Variants in CLUH observed in about 807,000 individuals in gnomAD.
CLUH encodes the protein clustered mitochondria protein homolog.
Under a neutral mutation model 139.3 loss-of-function variants are expected in CLUH, and 77 were observed. The observed-to-expected ratio is 0.55, with a 90% CI of 0.46 to 0.67. CLUH has a LOEUF of 0.67. Ranked by LOEUF, CLUH falls within the 30% of genes least tolerant of loss-of-function variation. The pLI is 0.00. For missense variants in CLUH, 1,876 were observed against 1,875.8 expected (o/e 1.00, Z 0.00); for synonymous variants, 999 against 801.6 (o/e 1.25, Z -4.16).
At position 2,706,834 on chromosome 17, in the gene CLUH, T is replaced by C. The variant is rs1040731217; in HGVS notation, c.101-2270A>G. On this transcript the variant is annotated intron_variant, in intron 1 of 25. Transcript: ENST00000651024. The surrounding 1 kb of genome is among the most constrained non-coding windows in gnomAD (Gnocchi z 4.6). ...AATATAGAACAGCAGTTTTGAGCTA[T>C]GAGATCCCAAAAGTGGGGAGTCAAA... 1.3e-5 allele frequency among the ~76,000 whole-genome samples: 2 copies of C among 152,102 alleles called. No individual in the cohort carries two copies. The highest frequency in any genetic ancestry group is 2.4e-5 in the African/African-American group (1 of 41,400).
At chr17:2,710,302 T>G (rs540087681) in intron 1 of CLUH, among the ~76,000 whole-genome samples, 1 of 152,206 alleles carries the variant, frequency 6.6e-6, no homozygotes, top group Non-Finnish European at 1.5e-5. Flanking sequence ...GCGATGAGCA[T>G]CTGCTCTTCT....
intron 12 of CLUH, 73 bp from the exon 13 acceptor site, chr17:2,696,332 G>C: frequency 4.0e-6 from 6 of 1,501,460 alleles, no homozygotes; most frequent in Non-Finnish European, 5.4e-6. Context: ...GGCGGGGGAA[G>C]CGCTCAGATG....
At position 2,695,207 on chromosome 17, in the gene CLUH, AC is replaced by A. The variant is rs2069888761; in HGVS notation, c.2607+10del. 3 of 1,613,814 alleles carry A rather than the reference AC, an allele frequency of 1.9e-6. No homozygotes were observed. The highest frequency in any genetic ancestry group is 1.3e-5 in the African/African-American group (1 of 75,028). ...GAGGCCATGGCCAGCCGCAGAGCGGACGGGTGGCACCTGTAAGTACGTCTTG... is the reference window on the plus strand; with the variant it reads ...GAGGCCATGGCCAGCCGCAGAGCGGAGGGTGGCACCTGTAAGTACGTCTTG... On this transcript the variant is annotated intron_variant, in intron 15 of 25. Transcript: ENST00000651024.
At position 2,698,431 on chromosome 17, in the gene CLUH, C is replaced by A. The variant is rs756266614; in HGVS notation, c.1426G>T (p.Asp476Tyr). 6.2e-7 allele frequency: 1 copy of A among 1,613,386 alleles called. No homozygotes were observed. The highest frequency in any genetic ancestry group is 8.5e-7 in the Non-Finnish European group (1 of 1,179,840). ...TAGGCCGCCACGTCCCCCCCGAAGTCCTTGTAGTGGTCTCGGACGTCGAAG... is the reference window on the plus strand; with the variant it reads ...TAGGCCGCCACGTCCCCCCCGAAGTACTTGTAGTGGTCTCGGACGTCGAAG... ...LGFDVRDHYKDFGGDVAAYVA... is the reference protein window; with the variant it reads ...LGFDVRDHYKYFGGDVAAYVA... The change falls in exon 10 of 26, where the codon GAC (aspartate) becomes TAC (tyrosine). Residue 476 changes from aspartate to tyrosine, a missense_variant. Physicochemically the swap from Asp to Tyr is radical, Grantham distance 160. Transcript: ENST00000651024.
At position 2,690,700 on chromosome 17, in the gene CLUH, CTA is replaced by C; in HGVS notation, c.3939_3940del (p.Asp1313GlufsTer101). The C allele has an allele frequency of 1.3e-6, 2 of 1,563,828 alleles. No homozygotes were observed. Among genetic ancestry groups the C allele is most frequent in the Non-Finnish European group, 1.7e-6 (2 of 1,161,708 alleles). On this transcript the variant is annotated frameshift_variant, in exon 26 of 26. Coordinates refer to ENST00000651024, the MANE Select transcript of CLUH (RefSeq NM_001366661.1). LOFTEE classifies it high-confidence loss of function. ...CTCGGTAGCCATGGGCTCCTCGGCT[CTA>C]TCCCTGTTTCTGCTGGCCTCCTGGA...
In CLUH at chr17:2,701,756, G is replaced by A; in HGVS notation, c.620-19C>T. 6.4e-7 allele frequency: 1 copy of A among 1,556,660 alleles called. No individual in the cohort carries two copies. The highest frequency in any genetic ancestry group is 8.7e-7 in the Non-Finnish European group (1 of 1,151,840). On this transcript the variant is annotated intron_variant, in intron 4 of 25. Transcript: ENST00000651024. Reference sequence around the variant, plus strand: ...CCGCTGTCTGAGGGACCCGAGGCTGGTGGTCAGCACAGGGCCACCCAGGGC... The same window carrying A: ...CCGCTGTCTGAGGGACCCGAGGCTGATGGTCAGCACAGGGCCACCCAGGGC...
chr17:2,697,620 C>T (rs2070006348), intron 10 of CLUH, among the ~76,000 whole-genome samples: 1 of 152,198 alleles, frequency 6.6e-6, no homozygotes, highest in Non-Finnish European at 1.5e-5. Context: ...CGGGGACAGT[C>T]ACAGCCACCC....
rs745486555 is a variant in CLUH at position 2,690,697 on chromosome 17, G to A, written c.3944C>T (p.Ala1315Val). Residue 1315 changes from alanine to valine, a missense_variant, in exon 26 of 26, where the codon GCC (alanine) becomes GTC (valine). This residue lies in a region of CLUH where 1,454 missense variants were observed against 1,384.4 expected (regional missense o/e 1.05). Coordinates refer to ENST00000651024, the MANE Select transcript of CLUH (RefSeq NM_001366661.1). Reference protein sequence around the residue: ...LQEASRNRDRAEEPMATEPAP... With the variant: ...LQEASRNRDRVEEPMATEPAP... ...GGGCTCGGTAGCCATGGGCTCCTCGGCTCTATCCCTGTTTCTGCTGGCCTC... is the reference window on the plus strand; with the variant it reads ...GGGCTCGGTAGCCATGGGCTCCTCGACTCTATCCCTGTTTCTGCTGGCCTC... 3.2e-6 allele frequency: 5 copies of A among 1,563,910 alleles called. No individual in the cohort carries two copies. The South Asian group carries it at 4.7e-5, about 15-fold the overall frequency.
chr17:2,694,592 GCCCAAGCACCGCCGGGCCCC>G lies in CLUH; in HGVS notation c.2853-48_2853-29del, dbSNP rs779197064. ...GAGGAGGGAGCAGGGGGCCTGAGCAGCCCAAGCACCGCCGGGCCCCCCCAACACCGCCCCACCCAGCTCCC... is the reference window on the plus strand; with the variant it reads ...GAGGAGGGAGCAGGGGGCCTGAGCAGCCCAACACCGCCCCACCCAGCTCCC... On this transcript the variant is annotated intron_variant, in intron 16 of 25. Coordinates refer to ENST00000651024, the MANE Select transcript of CLUH (RefSeq NM_001366661.1). 12 of 1,546,230 alleles carry G rather than the reference GCCCAAGCACCGCCGGGCCCC, an allele frequency of 7.8e-6. No homozygotes were observed. The Admixed American group carries it at 2.3e-4, about 30-fold the overall frequency.
chr17:2,708,143 G>C (rs1315576462), intron 1 of CLUH, among the ~76,000 whole-genome samples: 1 of 152,154 alleles, frequency 6.6e-6, no homozygotes, highest in African/African-American at 2.4e-5. Context: ...GCCCAGTAAG[G>C]GCTGCCCCAG....
rs767287703 is a variant in CLUH at position 2,690,561 on chromosome 17, G to A, written c.*33C>T. On this transcript the variant is annotated 3_prime_UTR_variant, in exon 26 of 26. Coordinates refer to ENST00000651024, the MANE Select transcript of CLUH (RefSeq NM_001366661.1). ...CCGCAGTCGGGCTCCCTGGTGACGG[G>A]GCCGCTGGCTGGCTGTCCGTCTGGC... is the stretch of plus-strand genomic sequence containing the variant. 19 of 1,420,192 alleles carry A rather than the reference G, an allele frequency of 1.3e-5. No homozygotes were observed. The highest frequency in any genetic ancestry group is 1.8e-5 in the Non-Finnish European group (19 of 1,083,224). 88.0% of individuals were successfully genotyped at this position (1,420,192 alleles called of 1,614,324 possible). A position where few individuals can be genotyped will look rare whatever the true frequency, so the allele number is the denominator to read the frequency against.
intron 1 of CLUH, among the ~76,000 whole-genome samples, chr17:2,708,663 A>G (rs1449662092): frequency 1.3e-5 from 2 of 151,282 alleles, no homozygotes; most frequent in Non-Finnish European, 2.9e-5. Flanking sequence ...GCCCAAGCCC[A>G]TGGCTTTTGA....
Position 2,707,190 on chromosome 17 carries a change from T to C in CLUH, c.101-2626A>G. The stretch of plus-strand genomic sequence containing the variant: ...GTGCTCACCTGGTGCAGTTGGCAGC[T>C]GCCCTCCCCTCGGCTCTGGAGTCTC... On this transcript the variant is annotated intron_variant, in intron 1 of 25. Transcript: ENST00000651024. The surrounding 1 kb of genome is among the most constrained non-coding windows in gnomAD (Gnocchi z 7.4). 1 of 985,420 alleles carries C rather than the reference T, an allele frequency of 1.0e-6. No individual in the cohort carries two copies. The allele number at this position is 985,420 out of a possible 1,614,324, so 61.0% of individuals were successfully genotyped here.
rs943055842 is a variant in CLUH at position 2,700,673 on chromosome 17, G to T, written c.1173+5C>A. 1.3e-6 allele frequency: 2 copies of T among 1,520,012 alleles called. No individual in the cohort carries two copies. The highest frequency in any genetic ancestry group is 1.8e-6 in the Non-Finnish European group (2 of 1,137,586). The allele number at this position is 1,520,012 out of a possible 1,614,324, so 94.2% of individuals were successfully genotyped here. ...CCAGCGAGGGCAGGGCCAGGTTGCA[G>T]GCACCTGTCCAGGAATGTGCTCCTC... On this transcript the variant is annotated splice_donor_5th_base_variant and intron_variant, in intron 8 of 25. Transcript: ENST00000651024.
chr17:2,695,640 C>T, intron 13 of CLUH, 114 bp from the exon 14 acceptor site: 1 of 1,327,700 alleles, frequency 7.5e-7, no homozygotes. Flanking sequence ...CCCGAAGGCT[C>T]CAGCTCCCAG....
Position 2,695,229 on chromosome 17 carries a change from T to C in CLUH, c.2596A>G (p.Thr866Ala). The change falls in exon 15 of 26, where the codon ACG becomes GCG. Residue 866 changes from threonine (T) to alanine (A), a missense_variant. This residue lies in a region of CLUH where 1,454 missense variants were observed against 1,384.4 expected (regional missense o/e 1.05). Transcript: ENST00000651024. Reference protein sequence around the residue: ...ITRSAKHIFKTYLQGVELSGL... With the variant: ...ITRSAKHIFKAYLQGVELSGL... Reference sequence around the variant, plus strand: ...CGGACGGGTGGCACCTGTAAGTACGTCTTGAAGATGTGCTTGGCCGAGCGG... The same window carrying C: ...CGGACGGGTGGCACCTGTAAGTACGCCTTGAAGATGTGCTTGGCCGAGCGG... The C allele has an allele frequency of 6.2e-7, 1 of 1,613,816 alleles. No homozygotes were observed. Among genetic ancestry groups the C allele is most frequent in the Non-Finnish European group, 8.5e-7 (1 of 1,179,840 alleles).
intron 16 of CLUH, 102 bp downstream of exon 16, chr17:2,694,755 C>T (rs2069863281): frequency 2.1e-6 from 3 of 1,425,650 alleles, no homozygotes; most frequent in Non-Finnish European, 2.8e-6. Context: ...CTCTCTGACT[C>T]CCTGGCCTAT....
At chr17:2,691,569 C>G in intron 25 of CLUH, 40 bp downstream of exon 25, 1 of 1,589,424 alleles carries the variant, frequency 6.3e-7, no homozygotes, top group Admixed American at 1.7e-5. Context: ...TCACAAAAAA[C>G]CCCCAACCGG....
In CLUH at chr17:2,701,416, C is replaced by A; in HGVS notation, c.849G>T (p.Glu283Asp). 3 of 1,611,902 alleles carry A rather than the reference C, an allele frequency of 1.9e-6. No homozygotes were observed. Among genetic ancestry groups the A allele is most frequent in the Non-Finnish European group, 2.5e-6 (3 of 1,179,168 alleles). Residue 283 changes from glutamate (E) to aspartate (D), a missense_variant, in exon 6 of 26, where the codon GAG becomes GAT. Around this residue, in one of 3 missense-constraint regions of CLUH, gnomAD observed 270 missense variants for 354.7 expected, o/e 0.76. Transcript: ENST00000651024. Reference sequence around the variant, plus strand: ...ACGCGGTGATGCTGACTTGCCGGTCCTCGGCTGTGATCACAAACAGGTACA... The same window carrying A: ...ACGCGGTGATGCTGACTTGCCGGTCATCGGCTGTGATCACAAACAGGTACA... ...DLMYLFVITAEDRQVSITAST... is the reference protein window; with the variant it reads ...DLMYLFVITADDRQVSITAST...
Sources: allele counts gnomAD v4.1 joint callset (sites outside exome capture counted in the v4.1 genomes callset), GRCh38; gene constraint gnomAD v4.1.1; regional missense constraint gnomAD v4.1.1; non-coding constraint Gnocchi (gnomAD v3.1); transcripts MANE v1.5; gene names NCBI Gene and HGNC (gene_info 2026-07-23, HGNC 2026-07-21).